The following GPC5 variants were observed in gnomAD, a reference collection of about 807,000 sequenced individuals.
The protein encoded by GPC5 is glypican 5.
A neutral mutation model predicts 53.9 loss-of-function variants in GPC5; 47 were observed. The ratio of observed to expected loss-of-function variants is 0.87; its 90% CI spans 0.69 to 1.11. GPC5 has a LOEUF of 1.11. Ranked by LOEUF, GPC5 falls within the 50% of genes most tolerant of loss-of-function variation. The pLI is 0.00. For synonymous variants in GPC5, 286 were observed against 263.3 expected (o/e 1.09, Z -0.84); for missense variants, 748 against 713.1 (o/e 1.05, Z -0.56).
intron 7 of GPC5, among the ~76,000 whole-genome samples, chr13:92,818,044 G>T (rs1437572635): frequency 7.0e-6 from 1 of 141,852 alleles, no homozygotes; most frequent in African/African-American, 2.7e-5. Flanking sequence ...ATGGAGTCTC[G>T]CTCCGTCACC....
intron 2 of GPC5, among the ~76,000 whole-genome samples, chr13:91,622,929 T>A (rs967782576): frequency 6.6e-6 from 1 of 152,118 alleles, no homozygotes; most frequent in African/African-American, 2.4e-5. Context: ...ATTCCATGAT[T>A]CATAGGCTGA....
chr13:91,443,238 A>G (rs1056841742), intron 1 of GPC5, among the ~76,000 whole-genome samples: 1 of 152,166 alleles, frequency 6.6e-6, no homozygotes, highest in African/African-American at 2.4e-5. Context: ...TAAACAGGTA[A>G]TTAAGGTTAC....
At chr13:91,791,257 T>C (rs2037959600) in intron 5 of GPC5, among the ~76,000 whole-genome samples, 1 of 152,182 alleles carries the variant, frequency 6.6e-6, no homozygotes, top group East Asian at 1.9e-4. Context: ...GGGCTCATAT[T>C]GGGTGGTGCC....
At chr13:92,506,995 C>T (rs1005473024) in intron 7 of GPC5, among the ~76,000 whole-genome samples, 11 of 152,168 alleles carry the variant, frequency 7.2e-5, no homozygotes, top group Admixed American at 6.5e-4. Flanking sequence ...ACTTCCTTGG[C>T]CCCCAAGTAT....
intron 6 of GPC5, among the ~76,000 whole-genome samples, chr13:91,924,912 C>T (rs1422237330): frequency 6.6e-6 from 1 of 151,686 alleles, no homozygotes; most frequent in Non-Finnish European, 1.5e-5. Flanking sequence ...CTCCGCCTCC[C>T]GGGTTCACCC....
intron 7 of GPC5, among the ~76,000 whole-genome samples, chr13:92,729,462 A>C (rs532088772): frequency 4.6e-5 from 7 of 151,594 alleles, no homozygotes; most frequent in Admixed American, 1.3e-4. Flanking sequence ...ATATTTGAAT[A>C]TATCAAGTTA....
chr13:92,295,358 T>G (rs1266100445), intron 7 of GPC5, among the ~76,000 whole-genome samples: 1 of 152,204 alleles, frequency 6.6e-6, no homozygotes, highest in Non-Finnish European at 1.5e-5. Flanking sequence ...ATTTCCAGTT[T>G]TTTTCCACTG....
intron 5 of GPC5, among the ~76,000 whole-genome samples, chr13:91,775,037 A>G (rs1176300622): frequency 6.6e-6 from 1 of 152,174 alleles, no homozygotes; most frequent in African/African-American, 2.4e-5. Context: ...AGTATCCCAT[A>G]CAGAGAAAAC....
chr13:92,080,726 C>G (rs940330323), intron 6 of GPC5, among the ~76,000 whole-genome samples: 3 of 152,188 alleles, frequency 2.0e-5, no homozygotes, highest in Admixed American at 6.5e-5. Context: ...TGGATGCTCT[C>G]TTGCTAAAAA....
At chr13:91,873,215 GTTTCT>G (rs982408578) in intron 5 of GPC5, among the ~76,000 whole-genome samples, 3 of 152,156 alleles carry the variant, frequency 2.0e-5, no homozygotes, top group African/African-American at 7.2e-5. Flanking sequence ...ATTTTGGTAT[GTTTCT>G]TTTAAGTGTT....
At position 92,158,359 on chromosome 13, in the gene GPC5, CA is replaced by C. The variant is rs758205397; in HGVS notation, c.1561+13373del. On this transcript the variant is annotated intron_variant, in intron 7 of 7. Coordinates refer to ENST00000377067, the MANE Select transcript of GPC5 (RefSeq NM_004466.6). Reference sequence around the variant, plus strand: ...TGGATTTATTCAACTGAAAAATCTACAAAGGAAAATTCATACATTCAAAACA... The same window carrying C: ...TGGATTTATTCAACTGAAAAATCTACAAGGAAAATTCATACATTCAAAACA... Among the ~76,000 whole-genome samples the C allele has an allele frequency of 7.6e-4, 115 of 151,946 alleles. No individual in the cohort carries two copies. In the South Asian group the frequency reaches 8.0e-3, roughly 11 times the overall value.
At chr13:92,541,544 A>G (rs1390716914) in intron 7 of GPC5, among the ~76,000 whole-genome samples, 2 of 151,552 alleles carry the variant, frequency 1.3e-5, no homozygotes, top group Non-Finnish European at 3.0e-5. Flanking sequence ...GATACTAGTT[A>G]CATTGTTAAC....
intron 7 of GPC5, among the ~76,000 whole-genome samples, chr13:92,517,357 G>C (rs985835070): frequency 6.6e-6 from 1 of 152,176 alleles, no homozygotes; most frequent in African/African-American, 2.4e-5. Context: ...CCAGCATGCA[G>C]CTTGAGATCT....
intron 7 of GPC5, among the ~76,000 whole-genome samples, chr13:92,830,944 A>C (rs1878025562): frequency 6.6e-6 from 1 of 152,164 alleles, no homozygotes; most frequent in African/African-American, 2.4e-5. Flanking sequence ...TTTCTGTTTC[A>C]GAGCAGTGGT....
At chr13:91,941,987 G>T (rs1334227097) in intron 6 of GPC5, among the ~76,000 whole-genome samples, 3 of 152,106 alleles carry the variant, frequency 2.0e-5, no homozygotes, top group African/African-American at 7.2e-5. Context: ...CCACACTCAA[G>T]TGAATTAATG....
At chr13:91,826,867 T>C (rs2038584113) in intron 5 of GPC5, among the ~76,000 whole-genome samples, 1 of 151,990 alleles carries the variant, frequency 6.6e-6, no homozygotes, top group Non-Finnish European at 1.5e-5. Context: ...CAATTCATGA[T>C]GGATCATAGA....
intron 6 of GPC5, among the ~76,000 whole-genome samples, chr13:91,934,746 G>A (rs891864758): frequency 7.9e-5 from 12 of 151,886 alleles, no homozygotes; most frequent in South Asian, 4.1e-4. Context: ...ATGGTTGAGA[G>A]TTCCCATATT....
At chr13:92,370,930 C>A (rs1294447010) in intron 7 of GPC5, among the ~76,000 whole-genome samples, 1 of 152,082 alleles carries the variant, frequency 6.6e-6, no homozygotes, top group African/African-American at 2.4e-5. Context: ...GGGCAGATCA[C>A]CTGAGGTCAG....
At chr13:92,254,530 T>C (rs538049586) in intron 7 of GPC5, among the ~76,000 whole-genome samples, 1 of 152,272 alleles carries the variant, frequency 6.6e-6, no homozygotes, top group African/African-American at 2.4e-5. Context: ...CTGTGAGTTC[T>C]GCATCTGTGG....
Sources: allele counts gnomAD v4.1 joint callset (sites outside exome capture counted in the v4.1 genomes callset), GRCh38; gene constraint gnomAD v4.1.1; transcripts MANE v1.5; gene names NCBI Gene and HGNC (gene_info 2026-07-23, HGNC 2026-07-21).